CLRN1: variants seen among roughly 807,000 people sequenced by gnomAD.
The protein encoded by CLRN1 is clarin 1, also known as clarin-1.
A neutral mutation model predicts 18.7 loss-of-function variants in CLRN1; 15 were observed. The observed-to-expected ratio is 0.80, with a 90% confidence interval of 0.54 to 1.23. The LOEUF (loss-of-function observed/expected upper bound fraction) is 1.23, where lower values mean the gene tolerates loss of function less well. Ranked by LOEUF, CLRN1 falls within the 50% of genes most tolerant of loss-of-function variation. The pLI, the probability that CLRN1 is intolerant of heterozygous loss-of-function variation, is 0.00. For missense variants in CLRN1, 311 were observed against 277.5 expected (o/e 1.12, Z -0.86); for synonymous variants, 104 against 102.9 (o/e 1.01, Z -0.07).
At chr3:150,948,300 C>A (rs952983059) in intron 1 of CLRN1, among the ~76,000 whole-genome samples, 1 of 151,468 alleles carries the variant, frequency 6.6e-6, no homozygotes, top group Non-Finnish European at 1.5e-5. Context: ...CTGGCTAACA[C>A]GGTGAAACCC....
chr3:150,942,634 T>C (rs937871106), intron 1 of CLRN1: 2 of 453,820 alleles, frequency 4.4e-6, no homozygotes, highest in Admixed American at 2.4e-5. Context: ...TCACAGAGCT[T>C]ATAACCTAAT....
intron 2 of CLRN1, among the ~76,000 whole-genome samples, chr3:150,941,164 CT>C (rs1713808583): frequency 1.7e-5 from 2 of 115,856 alleles, no homozygotes; most frequent in African/African-American, 2.8e-5. Flanking sequence ...ATCTATCTAT[CT>C]ATCTATCTCT....
intron 1 of CLRN1, among the ~76,000 whole-genome samples, chr3:150,965,014 T>C (rs976296513): frequency 5.3e-5 from 8 of 152,124 alleles, no homozygotes; most frequent in Admixed American, 5.2e-4. Context: ...CAAACCTGCA[T>C]GTTCTGCACA....
rs185776312 is a variant in CLRN1, at chr3:150,937,268, C to T, written c.433+4314G>A. On this transcript the variant is annotated intron_variant, in intron 2 of 2. Transcript: ENST00000327047. ...GACTCTCCCACTAGACAACAAGCTC[C>T]GTGAAGACAGCATTGTGTGCCTGAT... Among the ~76,000 whole-genome samples the T allele has an allele frequency of 6.8e-3, 1,036 of 152,236 alleles. 6 individuals carry two copies. Among genetic ancestry groups the T allele is most frequent in the Middle Eastern group, 0.01 (3 of 294 alleles).
chr3:150,938,861 T>G (rs1481894068), intron 2 of CLRN1, among the ~76,000 whole-genome samples: 1 of 152,216 alleles, frequency 6.6e-6, no homozygotes, highest in Non-Finnish European at 1.5e-5. Context: ...TGTGCTCAGG[T>G]TCTCCTTGCA....
At chr3:150,966,300 T>G (rs1164207184) in intron 1 of CLRN1, among the ~76,000 whole-genome samples, 3 of 152,128 alleles carry the variant, frequency 2.0e-5, no homozygotes, top group Non-Finnish European at 2.9e-5. Context: ...GACGACAGAG[T>G]GAGACCCAGT....
At chr3:150,946,764 T>C (rs1714200016) in intron 1 of CLRN1, among the ~76,000 whole-genome samples, 1 of 151,150 alleles carries the variant, frequency 6.6e-6, no homozygotes, top group African/African-American at 2.4e-5. Flanking sequence ...TTTATTATTA[T>C]ACTTTAAGTT....
At chr3:150,948,559 C>T (rs1302909573) in intron 1 of CLRN1, among the ~76,000 whole-genome samples, 1 of 148,994 alleles carries the variant, frequency 6.7e-6, no homozygotes, top group Non-Finnish European at 1.5e-5. Flanking sequence ...TAAAAACAAC[C>T]ATCAGAAACT....
intron 2 of CLRN1, among the ~76,000 whole-genome samples, chr3:150,940,299 C>T (rs566335939): frequency 6.6e-6 from 1 of 152,284 alleles, no homozygotes; most frequent in South Asian, 2.1e-4. Context: ...ATGTGATTAG[C>T]AGAATGTGGA....
intron 1 of CLRN1, among the ~76,000 whole-genome samples, chr3:150,965,130 T>G (rs769618630): frequency 6.6e-6 from 1 of 152,288 alleles, no homozygotes; most frequent in East Asian, 1.9e-4. Flanking sequence ...CTTTTTCATA[T>G]TCTAAGGGGG....
At chr3:150,944,884 G>C (rs1352668368) in intron 1 of CLRN1, among the ~76,000 whole-genome samples, 1 of 152,184 alleles carries the variant, frequency 6.6e-6, no homozygotes, top group Non-Finnish European at 1.5e-5. Context: ...GGGAAGTGAT[G>C]CAAGAGTTCT....
In CLRN1 at chr3:150,946,859, C is replaced by T. The variant is rs189806357; in HGVS notation, c.254-5098G>A. ...TGCGCTGCACCCACTAACTTGTCAT[C>T]TAGCATTAGGTATATCTCCCAATGC... is the stretch of plus-strand genomic sequence containing the variant. On this transcript the variant is annotated intron_variant, in intron 1 of 2. Coordinates refer to ENST00000327047, the MANE Select transcript of CLRN1 (RefSeq NM_174878.3). Among the ~76,000 whole-genome samples, 1,035 of 151,058 alleles carry T rather than the reference C, an allele frequency of 6.9e-3. 10 individuals carry two copies. Among genetic ancestry groups the T allele is most frequent in the Non-Finnish European group, 7.5e-3 (511 of 67,784 alleles).
chr3:150,960,764 G>C (rs1714986558), intron 1 of CLRN1, among the ~76,000 whole-genome samples: 1 of 152,192 alleles, frequency 6.6e-6, no homozygotes, highest in Non-Finnish European at 1.5e-5. Context: ...CAGGCAGATG[G>C]AGGTCAAAAG....
intron 1 of CLRN1, among the ~76,000 whole-genome samples, chr3:150,950,746 T>C (rs1714440336): frequency 6.6e-6 from 1 of 152,198 alleles, no homozygotes; most frequent in Non-Finnish European, 1.5e-5. Flanking sequence ...AGTATGGTGA[T>C]TCTGCAAAGA....
At chr3:150,954,634 A>G (rs1482148874) in intron 1 of CLRN1, among the ~76,000 whole-genome samples, 3 of 152,134 alleles carry the variant, frequency 2.0e-5, no homozygotes, top group Non-Finnish European at 2.9e-5. Context: ...ATTTATCAAG[A>G]TTTTTTATGT....
chr3:150,972,743 A>G (rs1477433545), upstream of CLRN1: 1 of 1,614,050 alleles, frequency 6.2e-7, no homozygotes, highest in Non-Finnish European at 8.5e-7. Context: ...CGAGGTTCAA[A>G]AACAAGACCT....
chr3:150,950,640 G>C (rs761279794), intron 1 of CLRN1, among the ~76,000 whole-genome samples: 24 of 152,136 alleles, frequency 1.6e-4, no homozygotes, highest in Non-Finnish European at 3.4e-4. Context: ...TTATTAAAAA[G>C]TCAAAAGATA....
chr3:150,956,713 G>A (rs1180930025), intron 1 of CLRN1, among the ~76,000 whole-genome samples: 1 of 152,116 alleles, frequency 6.6e-6, no homozygotes, highest in African/African-American at 2.4e-5. Flanking sequence ...TTTGGGCTGT[G>A]AGCCTTGCCT....
chr3:150,965,356 G>A (rs4384990), intron 1 of CLRN1, among the ~76,000 whole-genome samples: 93,059 of 151,998 alleles, frequency 0.61, 28,971 homozygotes, highest in East Asian at 0.69. Context: ...CACCCAATAA[G>A]TGGGCAGCTG....
Sources: allele counts gnomAD v4.1 joint callset (sites outside exome capture counted in the v4.1 genomes callset), GRCh38; gene constraint gnomAD v4.1.1; transcripts MANE v1.5; gene names NCBI Gene and HGNC (gene_info 2026-07-23, HGNC 2026-07-21).